BMPR2: variants seen among roughly 807,000 people sequenced by gnomAD.
BMPR2 encodes the protein bone morphogenetic protein receptor type 2.
A neutral mutation model predicts 100.8 loss-of-function variants in BMPR2; 29 were observed. The ratio of observed to expected loss-of-function variants is 0.29; its 90% CI spans 0.21 to 0.39. The LOEUF is 0.39. Ranked by LOEUF, BMPR2 falls within the 10% of genes least tolerant of loss-of-function variation. The probability of loss-of-function intolerance (pLI) is 1.00; values close to 1 mark genes in which losing one functional copy is unlikely to be tolerated. For synonymous variants in BMPR2, 382 were observed against 442.3 expected, an observed-to-expected ratio of 0.86 and a Z score of 1.71; for missense variants, 1,011 against 1,274.5, an observed-to-expected ratio of 0.79 and a Z score of 3.15.
At chr2:202,547,029 G>C (rs763696240) in intron 10 of BMPR2, among the ~76,000 whole-genome samples, 5 of 152,004 alleles carry the variant, frequency 3.3e-5, no homozygotes, top group Non-Finnish European at 5.9e-5. Context: ...CGGCCTCCCA[G>C]AGTGCCGGGA....
intron 1 of BMPR2, among the ~76,000 whole-genome samples, chr2:202,395,868 C>T (rs1007076486): frequency 1.7e-4 from 26 of 151,964 alleles, no homozygotes; most frequent in African/African-American, 3.9e-4. Flanking sequence ...ACCTGGGAGG[C>T]GGAGGTTGCA....
At chr2:202,425,145 C>T (rs1691360789) in intron 1 of BMPR2, among the ~76,000 whole-genome samples, 1 of 151,986 alleles carries the variant, frequency 6.6e-6, no homozygotes, top group African/African-American at 2.4e-5. Flanking sequence ...AACTCTTGAC[C>T]TCAGGTGATC....
intron 1 of BMPR2, among the ~76,000 whole-genome samples, chr2:202,405,859 G>A (rs1690880668): frequency 6.6e-6 from 1 of 152,072 alleles, no homozygotes; most frequent in Non-Finnish European, 1.5e-5. Context: ...TCATTAGCCT[G>A]TATTTTACTG....
chr2:202,476,782 C>CA (rs1246026097), intron 3 of BMPR2, among the ~76,000 whole-genome samples: 2 of 150,994 alleles, frequency 1.3e-5, no homozygotes, highest in East Asian at 1.9e-4. Context: ...GAGCGAGACT[C>CA]AAAAAAAATA....
intron 3 of BMPR2, among the ~76,000 whole-genome samples, chr2:202,485,000 G>C (rs1405647746): frequency 3.5e-5 from 5 of 144,508 alleles, no homozygotes; most frequent in African/African-American, 1.3e-4. Flanking sequence ...AAAGAAAGAA[G>C]AAAAAAAATA....
intron 3 of BMPR2, among the ~76,000 whole-genome samples, chr2:202,509,909 G>C (rs1687589273): frequency 6.6e-6 from 1 of 151,978 alleles, no homozygotes. Flanking sequence ...CATTTCCAGA[G>C]ACAGTTTTAT....
chr2:202,454,597 A>G (rs538737258), intron 1 of BMPR2, among the ~76,000 whole-genome samples: 2 of 152,272 alleles, frequency 1.3e-5, no homozygotes, highest in East Asian at 3.9e-4. Context: ...GCACTCATTT[A>G]TAGTACTTGC....
intron 1 of BMPR2, among the ~76,000 whole-genome samples, chr2:202,451,616 A>C (rs1421729614): frequency 6.6e-6 from 1 of 152,080 alleles, no homozygotes; most frequent in Non-Finnish European, 1.5e-5. Context: ...GGAGAATTGC[A>C]TGAACCCAGG....
chr2:202,524,230 TG>T (rs1687867939), intron 7 of BMPR2, among the ~76,000 whole-genome samples: 1 of 151,638 alleles, frequency 6.6e-6, no homozygotes, highest in Non-Finnish European at 1.5e-5. Context: ...GGTGTGGTGG[TG>T]GGCGCCTGTA....
chr2:202,429,359 TC>T (rs762593473), intron 1 of BMPR2, among the ~76,000 whole-genome samples: 4 of 139,150 alleles, frequency 2.9e-5, no homozygotes, highest in Non-Finnish European at 4.8e-5. Context: ...CTACTACTAC[TC>T]CCCCTTTCCC....
At chr2:202,388,783 G>T (rs1690487117) in intron 1 of BMPR2, among the ~76,000 whole-genome samples, 1 of 138,116 alleles carries the variant, frequency 7.2e-6, no homozygotes, top group East Asian at 2.1e-4. Context: ...GTGAGATTCA[G>T]TCTCAAAAAA....
intron 1 of BMPR2, among the ~76,000 whole-genome samples, chr2:202,422,585 C>G (rs529517531): frequency 1.3e-5 from 2 of 152,140 alleles, no homozygotes; most frequent in Non-Finnish European, 2.9e-5. Context: ...GGATTACAGG[C>G]GTGAGCCATC....
chr2:202,477,876 T>C (rs1203547147), intron 3 of BMPR2, among the ~76,000 whole-genome samples: 1 of 152,204 alleles, frequency 6.6e-6, no homozygotes, highest in Admixed American at 6.5e-5. Context: ...AATTGTATAT[T>C]TGTAAAAGTG....
chr2:202,453,791 T>C (rs1041726241), intron 1 of BMPR2, among the ~76,000 whole-genome samples: 3 of 152,196 alleles, frequency 2.0e-5, no homozygotes, highest in Non-Finnish European at 2.9e-5. Flanking sequence ...CAATAATTTA[T>C]TGTACATTAA....
chr2:202,496,968 C>T (rs1020302973), intron 3 of BMPR2, among the ~76,000 whole-genome samples: 5 of 152,220 alleles, frequency 3.3e-5, no homozygotes, highest in Non-Finnish European at 7.3e-5. Flanking sequence ...GCTGGAGTTC[C>T]GGGTGGGCAT....
intron 1 of BMPR2, among the ~76,000 whole-genome samples, chr2:202,400,198 G>C (rs1242538002): frequency 6.6e-6 from 1 of 152,100 alleles, no homozygotes; most frequent in Admixed American, 6.6e-5. Context: ...CTGGAGTACA[G>C]TGGTACAATC....
chr2:202,426,446 T>TGGC (rs1691385756), intron 1 of BMPR2, among the ~76,000 whole-genome samples: 1 of 150,176 alleles, frequency 6.7e-6, no homozygotes, highest in African/African-American at 2.5e-5. Flanking sequence ...GCAGGCGTGG[T>TGGC]GGCGGGTGCT....
chr2:202,427,039 A>T (rs1691399515), intron 1 of BMPR2, among the ~76,000 whole-genome samples: 1 of 152,246 alleles, frequency 6.6e-6, no homozygotes, highest in African/African-American at 2.4e-5. Flanking sequence ...TGGTATATTT[A>T]GATGGAATCT....
At chr2:202,387,251 A>T (rs1559021809) in intron 1 of BMPR2, among the ~76,000 whole-genome samples, 1 of 152,346 alleles carries the variant, frequency 6.6e-6, no homozygotes, top group East Asian at 1.9e-4. Flanking sequence ...GGCTACAATT[A>T]GTTAATCTAT....
Sources: allele counts gnomAD v4.1 joint callset (sites outside exome capture counted in the v4.1 genomes callset), GRCh38; gene constraint gnomAD v4.1.1; transcripts MANE v1.5; gene names NCBI Gene and HGNC (gene_info 2026-07-23, HGNC 2026-07-21).